Variants in EFR3B observed in about 807,000 individuals in gnomAD.
The protein encoded by EFR3B is EFR3 homolog B, also known as protein EFR3 homolog B.
A neutral mutation model predicts 104.7 loss-of-function variants in EFR3B; 64 were observed. That is an observed-to-expected ratio of 0.61 (90% CI 0.50 to 0.75). The LOEUF (loss-of-function observed/expected upper bound fraction) is 0.75. Ranked by LOEUF, EFR3B falls within the 30% of genes least tolerant of loss-of-function variation. The pLI, the probability that EFR3B is intolerant of heterozygous loss-of-function variation, is 0.00. For synonymous variants in EFR3B, 385 were observed against 417.9 expected, an observed-to-expected ratio of 0.92 and a Z score of 0.96; for missense variants, 750 against 1,078.5, an observed-to-expected ratio of 0.70 and a Z score of 4.27.
chr2:25,053,122 CAT>C (rs138509993), intron 1 of EFR3B, among the ~76,000 whole-genome samples: 30 of 152,212 alleles, frequency 2.0e-4, no homozygotes, highest in African/African-American at 6.5e-4. Context: ...ATTTCAGACT[CAT>C]GTGTTATTAA....
At chr2:25,118,261 G>A (rs550161893) in intron 4 of EFR3B, among the ~76,000 whole-genome samples, 6 of 152,330 alleles carry the variant, frequency 3.9e-5, no homozygotes, top group Middle Eastern at 3.4e-3. Flanking sequence ...GATTACAGGC[G>A]TGAGTCACTG....
intron 4 of EFR3B, among the ~76,000 whole-genome samples, chr2:25,109,956 C>T (rs1669679677): frequency 6.6e-6 from 1 of 152,126 alleles, no homozygotes; most frequent in South Asian, 2.1e-4. Context: ...CAAACCAAGC[C>T]CACTCGGAGG....
At chr2:25,095,560 G>C (rs1051571711) in intron 3 of EFR3B, among the ~76,000 whole-genome samples, 6 of 152,044 alleles carry the variant, frequency 3.9e-5, no homozygotes, top group African/African-American at 1.5e-4. Context: ...GCTGGGTGTG[G>C]GGGCATGCAC....
rs996433592 is a variant in EFR3B at position 25,130,108 on chromosome 2, A to C, written c.769A>C (p.Ile257Leu). 39 of 1,551,716 alleles carry C rather than the reference A, an allele frequency of 2.5e-5. No homozygotes were observed. Among genetic ancestry groups the C allele is most frequent in the Non-Finnish European group, 1.7e-5 (20 of 1,147,034 alleles). ...CAAAAACGCCATCAAGCCTGTTCTC[A>C]TGTGAGTGCCCCCACCCACTGCCTT... The part of the protein sequence containing the change: ...NIKNAIKPVL[I>L]HLDNHSLWEP... The change falls in exon 7 of 23, where the codon ATC becomes CTC. Residue 257 changes from isoleucine to leucine, a missense_variant and splice_region_variant. By Grantham distance (5) the Ile-to-Leu change is conservative (BLOSUM62 2). Transcript: ENST00000403714. The surrounding 1 kb of genome is among the most constrained non-coding windows in gnomAD (Gnocchi z 4.6).
intron 1 of EFR3B, chr2:25,080,123 C>G (rs1472945741): frequency 7.6e-6 from 8 of 1,056,368 alleles, no homozygotes; most frequent in Non-Finnish European, 1.2e-5. Flanking sequence ...GTGACTATAC[C>G]CTGTGCAATA....
rs76658250 is a variant in EFR3B at position 25,109,997 on chromosome 2, G to C, written c.363+6210G>C. The stretch of plus-strand genomic sequence containing the variant: ...GCAAAGCGAGTCACCCAGCAGGTTG[G>C]GGGGAGGGCGGCTCCCCTGTGGCAG... On this transcript the variant is annotated intron_variant, in intron 4 of 22. Coordinates refer to ENST00000403714, the MANE Select transcript of EFR3B (RefSeq NM_014971.2). 7.0e-3 allele frequency among the ~76,000 whole-genome samples: 1,063 copies of C among 152,200 alleles called. 11 individuals carry two copies. Among genetic ancestry groups the C allele is most frequent in the East Asian group, 0.029 (149 of 5,172 alleles).
chr2:25,054,882 A>T (rs146373367), intron 1 of EFR3B, among the ~76,000 whole-genome samples: 3 of 152,176 alleles, frequency 2.0e-5, no homozygotes, highest in Non-Finnish European at 4.4e-5. Flanking sequence ...CAGGTTAGCA[A>T]TCCATGACTG....
rs1335701317 is a variant in EFR3B, at chr2:25,155,041, C to T, written c.*701C>T. ...TGTGGTCCCTGCAGCAGCTTCCCACCTCCTTTGTTCATAAGGAGCTTGTGT... is the reference window on the plus strand; with the variant it reads ...TGTGGTCCCTGCAGCAGCTTCCCACTTCCTTTGTTCATAAGGAGCTTGTGT... On this transcript the variant is annotated 3_prime_UTR_variant, in exon 23 of 23. Transcript: ENST00000403714. The T allele has an allele frequency of 1.3e-5, 2 of 152,280 alleles. No homozygotes were observed. The highest frequency in any genetic ancestry group is 4.8e-5 in the African/African-American group (2 of 41,442). 9.4% of individuals were successfully genotyped at this position (152,280 alleles called of 1,614,324 possible). A position where few individuals can be genotyped will look rare whatever the true frequency, so the allele number is the denominator to read the frequency against.
chr2:25,059,572 C>CGGGGGGGGGGGGGGGGGGGGGGGGGGG (rs56219617), intron 1 of EFR3B, among the ~76,000 whole-genome samples: 1 of 60,216 alleles, frequency 1.7e-5, no homozygotes. Flanking sequence ...CCAGGGACTG[C>CGGGGGGGGGGGGGGGGGGGGGGGGGGG]GGGGGGGGGG....
chr2:25,135,683 G>A, intron 13 of EFR3B, 44 bp downstream of exon 13: 1 of 1,545,132 alleles, frequency 6.5e-7, no homozygotes, highest in South Asian at 1.2e-5. Context: ...GATGGGGAGA[G>A]GACTCTCCAT....
intron 4 of EFR3B, among the ~76,000 whole-genome samples, chr2:25,105,048 A>G (rs1196477093): frequency 6.6e-6 from 1 of 152,226 alleles, no homozygotes; most frequent in Non-Finnish European, 1.5e-5. Context: ...CATGCAGCTT[A>G]GATACAACTA....
intron 19 of EFR3B, among the ~76,000 whole-genome samples, chr2:25,149,307 C>T (rs1289337411): frequency 6.6e-6 from 1 of 152,146 alleles, no homozygotes; most frequent in Non-Finnish European, 1.5e-5. Context: ...AAGATCATGC[C>T]ACTACACTCC....
chr2:25,114,566 G>A lies in EFR3B; in HGVS notation c.364-7107G>A, dbSNP rs147180275. 3.0e-3 allele frequency among the ~76,000 whole-genome samples: 454 copies of A among 152,314 alleles called. 2 individuals are homozygous for A. The highest frequency in any genetic ancestry group is 0.014 in the Middle Eastern group (4 of 294). ...GGGAATGGAATGGTCAACAGCCCGAGCCTCAAGTCTGCAACCTCCTAGGCA... is the reference window on the plus strand; with the variant it reads ...GGGAATGGAATGGTCAACAGCCCGAACCTCAAGTCTGCAACCTCCTAGGCA... On this transcript the variant is annotated intron_variant, in intron 4 of 22. Transcript: ENST00000403714. The surrounding 1 kb of genome is among the most constrained non-coding windows in gnomAD (Gnocchi z 4.0).
chr2:25,098,684 C>G (rs954997592), intron 3 of EFR3B, among the ~76,000 whole-genome samples: 1 of 152,156 alleles, frequency 6.6e-6, no homozygotes, highest in Non-Finnish European at 1.5e-5. Context: ...TCCATCCTTA[C>G]TATTGGGATC....
chr2:25,127,218 C>CAAAAAAAAAAAAAAAAAAAAAAAAAA (rs1232730358), intron 5 of EFR3B, among the ~76,000 whole-genome samples: 1 of 114,622 alleles, frequency 8.7e-6, no homozygotes. Flanking sequence ...AAAAAAAAAG[C>CAAAAAAAAAAAAAAAAAAAAAAAAAA]AAAACATTTG....
In EFR3B at chr2:25,129,003, A is replaced by G. The variant is rs1168679503; in HGVS notation, c.635+671A>G. Among the ~76,000 whole-genome samples, 11 of 105,244 alleles carry G rather than the reference A, an allele frequency of 1.0e-4. No homozygotes were observed. In the East Asian group the frequency reaches 1.9e-3, roughly 19 times the overall value. 69.0% of individuals were successfully genotyped at this position (105,244 alleles called of 152,430 possible). The stretch of plus-strand genomic sequence containing the variant: ...AAAAAAAAAAAAAAAAAAAAAAAAG[A>G]TGCCTTTCATGGCTCCGATCACTGC... On this transcript the variant is annotated intron_variant, in intron 6 of 22. Coordinates refer to ENST00000403714, the MANE Select transcript of EFR3B (RefSeq NM_014971.2).
At position 25,154,944 on chromosome 2, in the gene EFR3B, G is replaced by T; in HGVS notation, c.*604G>T. On this transcript the variant is annotated 3_prime_UTR_variant, in exon 23 of 23. Transcript: ENST00000403714. This position sits in a 1 kb window ranked among gnomAD's most constrained non-coding sequence, Gnocchi z 4.1. ...AGACATCACGAGGGGTCGGGGGACA[G>T]CAAAGGGCAGGAAGCAGGATGCAGG... The T allele has an allele frequency of 6.5e-6, 1 of 154,008 alleles. No homozygotes were observed. The highest frequency in any genetic ancestry group is 1.4e-5 in the Non-Finnish European group (1 of 69,238). The allele number at this position is 154,008 out of a possible 1,614,324, so 9.5% of individuals were successfully genotyped here.
Position 25,130,420 on chromosome 2 carries a change from C to T in EFR3B, c.771-132C>T. The T allele has an allele frequency of 1.1e-6, 1 of 876,932 alleles. No homozygotes were observed. The highest frequency in any genetic ancestry group is 2.6e-5 in the East Asian group (1 of 37,878). 54.3% of individuals were successfully genotyped at this position (876,932 alleles called of 1,614,324 possible). A position where few individuals can be genotyped will look rare whatever the true frequency, so the allele number is the denominator to read the frequency against. ...GGACTGGGACTACCCCAAGGCCCTT[C>T]AGGCTTCACTTCCTCACCCGGGAAC... On this transcript the variant is annotated intron_variant, in intron 7 of 22. Transcript: ENST00000403714. The surrounding 1 kb of genome is among the most constrained non-coding windows in gnomAD (Gnocchi z 4.6).
chr2:25,081,329 T>C, intron 1 of EFR3B: 1 of 890,102 alleles, frequency 1.1e-6, no homozygotes, highest in South Asian at 1.5e-5. Context: ...CTTTTGAACC[T>C]GCTTCTTACT....
Sources: gnomAD v4.1 joint callset for allele counts (sites outside exome capture counted in the v4.1 genomes callset) on GRCh38, gnomAD v4.1.1 for gene constraint, Gnocchi (gnomAD v3.1) non-coding constraint, MANE v1.5 for transcripts, NCBI Gene and HGNC (gene_info 2026-07-23, HGNC 2026-07-21) for gene names.